Variants in NRAP observed in about 807,000 individuals in gnomAD.
NRAP encodes the protein nebulin related anchoring protein, also known as nebulin-related-anchoring protein.
NRAP carries 189 observed loss-of-function variants against 225.9 expected under a neutral mutation model. The ratio of observed to expected loss-of-function variants is 0.84; its 90% CI spans 0.74 to 0.94. The LOEUF is 0.94. NRAP is among the 40% of genes least tolerant of loss of function. The pLI is 0.00. For synonymous variants in NRAP, 769 were observed against 790.7 expected, an observed-to-expected ratio of 0.97 and a Z score of 0.46; for missense variants, 2,176 against 2,168.7, an observed-to-expected ratio of 1.00 and a Z score of -0.07.
chr10:113,658,745 G>T (rs1487453249), intron 3 of NRAP, among the ~76,000 whole-genome samples: 1 of 151,968 alleles, frequency 6.6e-6, no homozygotes, highest in Non-Finnish European at 1.5e-5. Context: ...AGCTGAGCAT[G>T]GTGGTGCACG....
chr10:113,662,494 C>T (rs1472290959), intron 3 of NRAP, among the ~76,000 whole-genome samples, 185 bp downstream of exon 3: 1 of 152,096 alleles, frequency 6.6e-6, no homozygotes, highest in Non-Finnish European at 1.5e-5. Flanking sequence ...CACTATGTTG[C>T]CCAGGCTAGT....
intron 23 of NRAP, among the ~76,000 whole-genome samples, chr10:113,622,574 G>A (rs570209262): frequency 1.6e-4 from 25 of 152,294 alleles, no homozygotes; most frequent in African/African-American, 4.1e-4. Context: ...ACACTAGGTC[G>A]AGAGTAACAA....
chr10:113,636,536 C>T lies in NRAP; in HGVS notation c.1429-2326G>A, dbSNP rs142378893. Among the ~76,000 whole-genome samples, 4 of 152,196 alleles carry T rather than the reference C, an allele frequency of 2.6e-5. No homozygotes were observed. The East Asian group carries it at 5.8e-4, about 22-fold the overall frequency. ...CCTTACTGTTGGGGAAGTAAGGAGT[C>T]GAGAGGACTATGGCAAAGAGAGGCA... On this transcript the variant is annotated intron_variant, in intron 14 of 41. Transcript: ENST00000359988.
chr10:113,628,838 G>C, intron 20 of NRAP, 79 bp downstream of exon 20: 2 of 757,708 alleles, frequency 2.6e-6, no homozygotes, highest in Non-Finnish European at 4.4e-6. Context: ...GATAGAGAAA[G>C]GGAATTAGAG....
At chr10:113,607,003 G>A (rs1005512469) in intron 32 of NRAP, among the ~76,000 whole-genome samples, 1 of 152,098 alleles carries the variant, frequency 6.6e-6, no homozygotes, top group Non-Finnish European at 1.5e-5. Flanking sequence ...AGGAGTTCGA[G>A]ACCAGCCTGA....
chr10:113,663,813 G>A lies in NRAP; in HGVS notation c.70C>T (p.Gln24Ter). 2 of 1,610,876 alleles carry A rather than the reference G, an allele frequency of 1.2e-6. No individual in the cohort carries two copies. Among genetic ancestry groups the A allele is most frequent in the Non-Finnish European group, 1.7e-6 (2 of 1,177,130 alleles). The change falls in exon 1 of 42, where the codon CAG becomes TAG. Residue 24 changes from glutamine to a stop codon, truncating the protein, a stop_gained and splice_region_variant. Coordinates refer to ENST00000359988, the MANE Select transcript of NRAP (RefSeq NM_198060.4). LOFTEE classifies it high-confidence loss of function. ...YPAEKISCID[Q>*]IWHKACFHCE... The stretch of plus-strand genomic sequence containing the variant: ...AAAGCCAAGAAATGTCTACTGACCT[G>A]ATCTATACAGCTGATCTTCTCGGCA...
Position 113,595,706 on chromosome 10 carries a change from C to G in NRAP, c.4453G>C (p.Ala1485Pro), listed in dbSNP as rs774807685. The G allele has an allele frequency of 4.3e-6, 7 of 1,612,916 alleles. No homozygotes were observed. The East Asian group carries it at 1.6e-4, about 36-fold the overall frequency. ...CNERMYRSGD[A>P]ESLHRYTLIP... ...AGGGTGTATCTGTGCAGGGATTCTGCATCTCCAGATCTATACATGCGCTGT... is the reference window on the plus strand; with the variant it reads ...AGGGTGTATCTGTGCAGGGATTCTGGATCTCCAGATCTATACATGCGCTGT... The change falls in exon 38 of 42, where the codon GCA becomes CCA. Residue 1485 changes from alanine to proline, a missense_variant. Transcript: ENST00000359988.
At position 113,640,312 on chromosome 10, in the gene NRAP, T is replaced by C. The variant is rs1849128796; in HGVS notation, c.1343A>G (p.Tyr448Cys). The C allele has an allele frequency of 1.9e-6, 3 of 1,593,196 alleles. No individual in the cohort carries two copies. The highest frequency in any genetic ancestry group is 1.8e-5 in the Admixed American group (1 of 56,792). The change falls in exon 14 of 42, where the codon TAT becomes TGT. Residue 448 changes from tyrosine (Y) to cysteine (C), a missense_variant. This residue lies in a region of NRAP where 1,708 missense variants were observed against 1,695.5 expected (regional missense o/e 1.01). Coordinates refer to ENST00000359988, the MANE Select transcript of NRAP (RefSeq NM_198060.4). ...LASNVAYKAD[Y>C]KHDIVDYNYP... ...GTTGTAGTCGACAATATCATGTTTATAATCAGCTTTGTAGGCAACCTAAAA... is the reference window on the plus strand; with the variant it reads ...GTTGTAGTCGACAATATCATGTTTACAATCAGCTTTGTAGGCAACCTAAAA...
intron 14 of NRAP, among the ~76,000 whole-genome samples, chr10:113,636,871 G>T (rs1035629137): frequency 6.6e-6 from 1 of 152,104 alleles, no homozygotes; most frequent in Non-Finnish European, 1.5e-5. Flanking sequence ...GCCGGGCGTG[G>T]TGGCTCGCGC....
chr10:113,634,067 A>G, intron 15 of NRAP, 45 bp downstream of exon 15: 2 of 1,330,416 alleles, frequency 1.5e-6, no homozygotes, highest in Non-Finnish European at 2.2e-6. Context: ...TCAAAGCAGC[A>G]ATTTCAAGAC....
chr10:113,591,704 T>C (rs1200646033), intron 39 of NRAP, among the ~76,000 whole-genome samples: 1 of 152,208 alleles, frequency 6.6e-6, no homozygotes, highest in Non-Finnish European at 1.5e-5. Context: ...ATTCCTACAT[T>C]AATCTGGGAG....
chr10:113,596,051 G>C (rs778702166), intron 37 of NRAP, among the ~76,000 whole-genome samples: 3 of 152,072 alleles, frequency 2.0e-5, no homozygotes, highest in Non-Finnish European at 4.4e-5. Context: ...ATATTTCAGA[G>C]AATCTTTGCA....
chr10:113,617,309 C>A (rs570841162), intron 26 of NRAP, 146 bp downstream of exon 26: 10 of 536,362 alleles, frequency 1.9e-5, no homozygotes, highest in Admixed American at 5.8e-5. Context: ...AAGCACCCCC[C>A]GCTAAGGGAG....
chr10:113,647,101 C>A lies in NRAP; in HGVS notation c.889-74G>T, dbSNP rs1200220928. 3.3e-6 allele frequency: 3 copies of A among 900,054 alleles called. No individual in the cohort carries two copies. The African/African-American group carries it at 4.9e-5, about 15-fold the overall frequency. The allele number at this position is 900,054 out of a possible 1,614,324, so 55.8% of individuals were successfully genotyped here. ...TGGGTGGGGTTCAGCAATGGTCACT[C>A]ATAGAGCCTATTCTCACAGAGGTTC... On this transcript the variant is annotated intron_variant, in intron 9 of 41. Transcript: ENST00000359988.
rs1416541042 is a variant in NRAP, at chr10:113,662,721, T to G, written c.213A>C (p.Pro71=). ...GAAATGTCCTCACATTTAGATTTAA[T>G]GGAGTGTGATAGACACTGGTGAAAG... ...NNTFTSVYHT[P]LNLNVRTFPE... Residue 71 remains proline (P), a synonymous_variant, in exon 3 of 42, where the codon CCA becomes CCC. Transcript: ENST00000359988. 6.2e-7 allele frequency: 1 copy of G among 1,602,198 alleles called. No individual in the cohort carries two copies.
chr10:113,595,357 T>C (rs1261418624), intron 38 of NRAP, among the ~76,000 whole-genome samples: 1 of 152,148 alleles, frequency 6.6e-6, no homozygotes, highest in Non-Finnish European at 1.5e-5. Context: ...CTGAGATCTT[T>C]GGAGCCATAC....
At position 113,629,581 on chromosome 10, in the gene NRAP, G is replaced by C. The variant is rs889350851; in HGVS notation, c.2040+7C>G. On this transcript the variant is annotated splice_region_variant and intron_variant, in intron 19 of 41. Transcript: ENST00000359988. ...GCATGAAGAGAACTGATAATGTGTG[G>C]GCTCACCTCGCTCTGGAGCCCATAG... 1 of 1,590,934 alleles carries C rather than the reference G, an allele frequency of 6.3e-7. No individual in the cohort carries two copies. Among genetic ancestry groups the C allele is most frequent in the Admixed American group, 1.7e-5 (1 of 59,954 alleles).
At chr10:113,600,942 A>C (rs962533670) in intron 35 of NRAP, among the ~76,000 whole-genome samples, 1 of 152,218 alleles carries the variant, frequency 6.6e-6, no homozygotes, top group Non-Finnish European at 1.5e-5. Flanking sequence ...CTGAGTCCCG[A>C]GAGCTTAAGG....
chr10:113,624,730 A>G (rs1347215772), intron 22 of NRAP, 96 bp downstream of exon 22: 3 of 826,678 alleles, frequency 3.6e-6, no homozygotes, highest in Non-Finnish European at 4.1e-6. Context: ...ACCTCAGTTG[A>G]TACAGACACT....
Sources: gnomAD v4.1 joint callset for allele counts (sites outside exome capture counted in the v4.1 genomes callset) on GRCh38, gnomAD v4.1.1 for gene constraint, gnomAD v4.1.1 regional missense constraint, MANE v1.5 for transcripts, NCBI Gene and HGNC (gene_info 2026-07-23, HGNC 2026-07-21) for gene names.